EHD3: variants seen among roughly 807,000 people sequenced by gnomAD.
EHD3 encodes EH domain-containing protein 3.
In EHD3, 17 loss-of-function variants were observed where a neutral mutation model predicts 43.0. The observed-to-expected ratio is 0.40, with a 90% CI of 0.27 to 0.59. The LOEUF is 0.59. Ranked by LOEUF, EHD3 falls within the 20% of genes least tolerant of loss-of-function variation. The pLI, the probability that EHD3 is intolerant of heterozygous loss-of-function variation, is 0.49. For synonymous variants in EHD3, 313 were observed against 289.5 expected, an observed-to-expected ratio of 1.08 and a Z score of -0.82; for missense variants, 594 against 705.6, an observed-to-expected ratio of 0.84 and a Z score of 1.79.
intron 3 of EHD3, among the ~76,000 whole-genome samples, chr2:31,251,456 G>C (rs1012393431): frequency 6.6e-6 from 1 of 152,140 alleles, no homozygotes; most frequent in Non-Finnish European, 1.5e-5. Context: ...TGAACATCCT[G>C]AGAGGAAAGC....
intron 2 of EHD3, among the ~76,000 whole-genome samples, chr2:31,244,715 C>T (rs1022338502): frequency 9.2e-5 from 14 of 152,210 alleles, no homozygotes; most frequent in Non-Finnish European, 1.8e-4. Context: ...CCCTACCCTG[C>T]ACCTACCCCT....
chr2:31,261,917 C>G (rs1271539416), intron 5 of EHD3, among the ~76,000 whole-genome samples: 1 of 152,210 alleles, frequency 6.6e-6, no homozygotes, highest in Admixed American at 6.5e-5. Context: ...GGGAGAAACA[C>G]GGAGCCCACC....
chr2:31,248,009 G>C (rs1253407916), intron 2 of EHD3, among the ~76,000 whole-genome samples: 1 of 152,190 alleles, frequency 6.6e-6, no homozygotes, highest in Admixed American at 6.5e-5. Context: ...GTTTAGGTTG[G>C]CTGGGAGTCT....
chr2:31,252,694 C>T (rs1261220681), intron 3 of EHD3, among the ~76,000 whole-genome samples: 4 of 152,162 alleles, frequency 2.6e-5, no homozygotes, highest in African/African-American at 2.4e-5. Context: ...CTGCCTTTGT[C>T]TTTGGACCCC....
In EHD3 at chr2:31,260,553, T is replaced by C. The variant is rs1469709510; in HGVS notation, c.546T>C (p.Val182=). Reference sequence around the variant, plus strand: ...TCCTTGAGTGGTTTGCCGAGCGGGTTGACCGCATCATTCTGCTCTTCGATG... The same window carrying C: ...TCCTTGAGTGGTTTGCCGAGCGGGTCGACCGCATCATTCTGCTCTTCGATG... ...AAVLEWFAER[V]DRIILLFDAH... is the part of the protein sequence containing the mutation. The change falls in exon 4 of 6, where the codon GTT becomes GTC. Residue 182 remains valine, a synonymous_variant. Transcript: ENST00000322054. The surrounding 1 kb of genome is among the most constrained non-coding windows in gnomAD (Gnocchi z 4.6). 1 of 1,613,248 alleles carries C rather than the reference T, an allele frequency of 6.2e-7. No homozygotes were observed. Among genetic ancestry groups the C allele is most frequent in the Middle Eastern group, 1.7e-4 (1 of 6,060 alleles).
At position 31,255,184 on chromosome 2, in the gene EHD3, G is replaced by C. The variant is rs367774995; in HGVS notation, c.503-5326G>C. 1.5e-3 allele frequency among the ~76,000 whole-genome samples: 235 copies of C among 152,350 alleles called. 1 individual carries two copies. The South Asian group carries it at 0.028, about 18-fold the overall frequency. On this transcript the variant is annotated intron_variant, in intron 3 of 5. Coordinates refer to ENST00000322054, the MANE Select transcript of EHD3 (RefSeq NM_014600.3). ...CTTAGAGCCAGCAGACTTGTGCTAT[G>C]AAGTCCAGGAAGGGCAGCTTCTCTG... is the stretch of plus-strand genomic sequence containing the variant.
intron 1 of EHD3, among the ~76,000 whole-genome samples, chr2:31,243,719 G>A (rs1005416777): frequency 4.6e-5 from 7 of 151,966 alleles, no homozygotes; most frequent in African/African-American, 1.7e-4. Context: ...CTCCCAAAGT[G>A]CTGGGATTAT....
At position 31,234,576 on chromosome 2, in the gene EHD3, G is replaced by A; in HGVS notation, c.-46G>A. The A allele has an allele frequency of 3.1e-6, 5 of 1,599,172 alleles. No individual in the cohort carries two copies. The highest frequency in any genetic ancestry group is 4.3e-6 in the Non-Finnish European group (5 of 1,170,086). The stretch of plus-strand genomic sequence containing the variant: ...CCTACGGGACATCTTCCCCTGAGGA[G>A]GAGTCTTCCCCTGGGGCTGCGTGCC... On this transcript the variant is annotated 5_prime_UTR_variant, in exon 1 of 6. Coordinates refer to ENST00000322054, the MANE Select transcript of EHD3 (RefSeq NM_014600.3).
chr2:31,250,608 T>C (rs909762683), intron 3 of EHD3, among the ~76,000 whole-genome samples: 1 of 152,114 alleles, frequency 6.6e-6, no homozygotes, highest in African/African-American at 2.4e-5. Context: ...GCAGATGCTA[T>C]CAAAAGCTAA....
At position 31,249,352 on chromosome 2, in the gene EHD3, G is replaced by A. The variant is rs1683589152; in HGVS notation, c.405-19G>A. 2.5e-6 allele frequency: 4 copies of A among 1,612,856 alleles called. No individual in the cohort carries two copies. The highest frequency in any genetic ancestry group is 1.1e-5 in the South Asian group (1 of 91,026). On this transcript the variant is annotated intron_variant, in intron 2 of 5. Coordinates refer to ENST00000322054, the MANE Select transcript of EHD3 (RefSeq NM_014600.3). ...GAAAGGTGGGCGAGTACTCACCCAG[G>A]TTACCTCTGCCCATGCAGGTTCGTG...
intron 5 of EHD3, among the ~76,000 whole-genome samples, chr2:31,264,134 A>C (rs1370296010): frequency 6.6e-6 from 1 of 152,232 alleles, no homozygotes; most frequent in Non-Finnish European, 1.5e-5. Flanking sequence ...GTATATACAC[A>C]AACCTGCATG....
chr2:31,245,264 G>A lies in EHD3; in HGVS notation c.404+814G>A, dbSNP rs7569980. On this transcript the variant is annotated intron_variant, in intron 2 of 5. Transcript: ENST00000322054. The stretch of plus-strand genomic sequence containing the variant: ...GCCTAATACTGTGGCTCTTGAACAA[G>A]TTACAAAACTTACTTGTTTCTAATT... Among the ~76,000 whole-genome samples the A allele has an allele frequency of 3.0e-3, 461 of 152,238 alleles. 2 individuals are homozygous for A. Among genetic ancestry groups the A allele is most frequent in the African/African-American group, 0.01 (434 of 41,530 alleles).
At chr2:31,255,253 T>C (rs1683728218) in intron 3 of EHD3, among the ~76,000 whole-genome samples, 1 of 152,184 alleles carries the variant, frequency 6.6e-6, no homozygotes, top group Non-Finnish European at 1.5e-5. Context: ...CACTAGTCCA[T>C]ATTTCATGAA....
chr2:31,249,528 T>C (rs1286133736), intron 3 of EHD3, 60 bp downstream of exon 3: 1 of 1,502,172 alleles, frequency 6.7e-7, no homozygotes, highest in Non-Finnish European at 9.2e-7. Context: ...ACGTTCAGTC[T>C]CTTACATACC....
At chr2:31,234,934 G>A in intron 1 of EHD3, 86 bp downstream of exon 1, 1 of 1,270,020 alleles carries the variant, frequency 7.9e-7, no homozygotes, top group Non-Finnish European at 1.1e-6. Context: ...TCCCAGACAG[G>A]GGACCAATGG....
chr2:31,239,746 G>A (rs150453011), intron 1 of EHD3, among the ~76,000 whole-genome samples: 28 of 152,314 alleles, frequency 1.8e-4, no homozygotes, highest in South Asian at 4.1e-4. Context: ...ATTACTGACC[G>A]GATTCGGGGT....
chr2:31,243,456 C>CTTTTTTTTTTT (rs1418621028), intron 1 of EHD3, among the ~76,000 whole-genome samples: 12 of 93,312 alleles, frequency 1.3e-4, no homozygotes, highest in African/African-American at 5.1e-4. Context: ...TTCTTTCTTT[C>CTTTTTTTTTTT]TTTCTTTTTT....
rs749601475 is a variant in EHD3 at position 31,266,744 on chromosome 2, G to A, written c.*40G>A. The A allele has an allele frequency of 6.4e-6, 10 of 1,550,706 alleles. No homozygotes were observed. Among genetic ancestry groups the A allele is most frequent in the Non-Finnish European group, 7.8e-6 (9 of 1,150,400 alleles). On this transcript the variant is annotated 3_prime_UTR_variant, in exon 6 of 6. Transcript: ENST00000322054. This position sits in a 1 kb window ranked among gnomAD's most constrained non-coding sequence, Gnocchi z 5.1. ...ATTCAGACGGGCAGTGTTAGAGGAG[G>A]AGATGGGAGCGGTGACTACACACAC...
At chr2:31,241,993 C>T (rs982990666) in intron 1 of EHD3, among the ~76,000 whole-genome samples, 4 of 152,180 alleles carry the variant, frequency 2.6e-5, no homozygotes, top group Non-Finnish European at 5.9e-5. Context: ...CAACCTGAAA[C>T]CCATCTGTGC....
Sources: gnomAD v4.1 joint callset for allele counts (sites outside exome capture counted in the v4.1 genomes callset) on GRCh38, gnomAD v4.1.1 for gene constraint, Gnocchi (gnomAD v3.1) non-coding constraint, MANE v1.5 for transcripts, NCBI Gene and HGNC (gene_info 2026-07-23, HGNC 2026-07-21) for gene names.